ZFAND6: variants seen among roughly 807,000 people sequenced by gnomAD.
ZFAND6 encodes AN1-type zinc finger protein 6.
ZFAND6 carries 12 observed loss-of-function variants against 24.5 expected under a neutral mutation model. The observed-to-expected ratio is 0.49, with a 90% CI of 0.31 to 0.79. The LOEUF (loss-of-function observed/expected upper bound fraction) is 0.79, where lower values mean the gene tolerates loss of function less well. Ranked by LOEUF, ZFAND6 falls within the 30% of genes least tolerant of loss-of-function variation. The pLI is 0.04. For synonymous variants in ZFAND6, 92 were observed against 81.5 expected, an observed-to-expected ratio of 1.13 and a Z score of -0.69; for missense variants, 207 against 245.9, an observed-to-expected ratio of 0.84 and a Z score of 1.06.
At position 80,092,986 on chromosome 15, in the gene ZFAND6, G is replaced by A. The variant is rs945632665; in HGVS notation, c.-180-5430G>A. 2.7e-5 allele frequency among the ~76,000 whole-genome samples: 4 copies of A among 147,784 alleles called. No individual in the cohort carries two copies. In the South Asian group the frequency reaches 6.4e-4, roughly 24 times the overall value. On this transcript the variant is annotated intron_variant, in intron 1 of 6. Coordinates refer to ENST00000261749, the MANE Select transcript of ZFAND6 (RefSeq NM_019006.4). ...TTTTTTTTTTTTGAGACAGAGTGTC[G>A]CTCTCTCACCCAGGCTGGAATGCAG...
chr15:80,116,341 T>C (rs904701343), intron 2 of ZFAND6, among the ~76,000 whole-genome samples: 2 of 152,212 alleles, frequency 1.3e-5, no homozygotes, highest in African/African-American at 4.8e-5. Flanking sequence ...AGGGCTTTTG[T>C]GTGTGAGAGT....
At chr15:80,118,049 TAC>T (rs2039968940) in intron 2 of ZFAND6, among the ~76,000 whole-genome samples, 1 of 152,088 alleles carries the variant, frequency 6.6e-6, no homozygotes, top group African/African-American at 2.4e-5. Flanking sequence ...TGTATGTATA[TAC>T]ATATATGTAT....
chr15:80,105,069 G>A (rs1452808026), intron 2 of ZFAND6, among the ~76,000 whole-genome samples: 2 of 152,154 alleles, frequency 1.3e-5, no homozygotes, highest in Non-Finnish European at 2.9e-5. Context: ...ATTTTGTGAT[G>A]TGGCCTTATT....
chr15:80,084,221 A>G (rs1238929866), intron 1 of ZFAND6, among the ~76,000 whole-genome samples: 2 of 152,186 alleles, frequency 1.3e-5, no homozygotes. Flanking sequence ...ATTAAGTGAG[A>G]TTTACGAAGT....
chr15:80,131,114 G>A (rs2040579753), intron 5 of ZFAND6, 66 bp from the exon 6 acceptor site: 2 of 1,193,120 alleles, frequency 1.7e-6, no homozygotes, highest in East Asian at 2.4e-5. Flanking sequence ...GACTAGGGAG[G>A]GTGGGATGAG....
intron 2 of ZFAND6, among the ~76,000 whole-genome samples, chr15:80,119,046 G>A (rs1171921081): frequency 6.6e-6 from 1 of 152,088 alleles, no homozygotes; most frequent in East Asian, 1.9e-4. Context: ...CCATTTCGGA[G>A]TAACCTTCAC....
At chr15:80,079,649 C>A (rs1203219603) in intron 1 of ZFAND6, among the ~76,000 whole-genome samples, 1 of 120,488 alleles carries the variant, frequency 8.3e-6, no homozygotes, top group Non-Finnish European at 1.8e-5. Flanking sequence ...TTTTCCTTAG[C>A]TTTTTTTTTT....
chr15:80,071,132 G>A (rs1163527246), intron 1 of ZFAND6, among the ~76,000 whole-genome samples: 1 of 152,094 alleles, frequency 6.6e-6, no homozygotes, highest in Non-Finnish European at 1.5e-5. Context: ...ATGCCTAGTT[G>A]CAATTATGTG....
intron 1 of ZFAND6, among the ~76,000 whole-genome samples, chr15:80,069,172 T>C (rs904078250): frequency 6.6e-6 from 1 of 152,220 alleles, no homozygotes; most frequent in Non-Finnish European, 1.5e-5. Context: ...CCAGTCTATT[T>C]TCTCTTAGTT....
intron 1 of ZFAND6, among the ~76,000 whole-genome samples, chr15:80,094,368 A>C (rs1489259900): frequency 3.3e-5 from 5 of 152,096 alleles, no homozygotes; most frequent in African/African-American, 1.2e-4. Context: ...CCCTCTTGAG[A>C]ACTGCTCATG....
At chr15:80,071,606 G>T (rs2036980460) in intron 1 of ZFAND6, among the ~76,000 whole-genome samples, 1 of 152,018 alleles carries the variant, frequency 6.6e-6, no homozygotes, top group Non-Finnish European at 1.5e-5. Flanking sequence ...CAGAGTTCCT[G>T]TGTAGTGTCT....
chr15:80,127,132 G>C (rs1210780499), intron 5 of ZFAND6, among the ~76,000 whole-genome samples: 1 of 151,964 alleles, frequency 6.6e-6, no homozygotes, highest in Middle Eastern at 3.2e-3. Context: ...TGGAAAACCA[G>C]CCTACAGAAT....
intron 2 of ZFAND6, among the ~76,000 whole-genome samples, chr15:80,101,206 T>C (rs571501388): frequency 1.1e-4 from 17 of 152,220 alleles, no homozygotes; most frequent in Non-Finnish European, 2.4e-4. Flanking sequence ...CTCACGCCTG[T>C]AATCCCAGCA....
intron 2 of ZFAND6, among the ~76,000 whole-genome samples, chr15:80,104,700 G>A (rs1427089300): frequency 1.3e-5 from 2 of 151,960 alleles, no homozygotes; most frequent in African/African-American, 2.4e-5. Flanking sequence ...CGCTGATTTT[G>A]TTTTTCTTAA....
intron 6 of ZFAND6, among the ~76,000 whole-genome samples, chr15:80,132,554 T>C (rs2040653681): frequency 6.6e-6 from 1 of 152,194 alleles, no homozygotes; most frequent in Non-Finnish European, 1.5e-5. Flanking sequence ...GCTATTGCAG[T>C]GAGTTCAGGT....
intron 1 of ZFAND6, among the ~76,000 whole-genome samples, chr15:80,091,099 A>G (rs1193561159): frequency 6.6e-6 from 1 of 152,116 alleles, no homozygotes; most frequent in Non-Finnish European, 1.5e-5. Flanking sequence ...AGAAGTTGCC[A>G]AAGGAAATTC....
At chr15:80,127,602 A>C (rs1180172561) in intron 5 of ZFAND6, among the ~76,000 whole-genome samples, 4 of 151,598 alleles carry the variant, frequency 2.6e-5, no homozygotes, top group East Asian at 3.9e-4. Context: ...AAAAAAAAAA[A>C]AAAAAAAAAA....
At chr15:80,106,337 T>C (rs1277540350) in intron 2 of ZFAND6, among the ~76,000 whole-genome samples, 1 of 152,218 alleles carries the variant, frequency 6.6e-6, no homozygotes, top group Non-Finnish European at 1.5e-5. Context: ...ACCAAATCCA[T>C]TCTAGTCACC....
chr15:80,121,069 A>G (rs754980310), intron 3 of ZFAND6, among the ~76,000 whole-genome samples: 12 of 152,222 alleles, frequency 7.9e-5, no homozygotes, highest in Non-Finnish European at 1.8e-4. Flanking sequence ...GATTCCAAGT[A>G]TAAGCTTTGC....
Sources: allele counts gnomAD v4.1 joint callset (sites outside exome capture counted in the v4.1 genomes callset), GRCh38; gene constraint gnomAD v4.1.1; transcripts MANE v1.5; gene names NCBI Gene and HGNC (gene_info 2026-07-23, HGNC 2026-07-21).